DCUN1D4: variants seen among roughly 807,000 people sequenced by gnomAD.
The protein encoded by DCUN1D4 is DCN1-like protein 4.
DCUN1D4 carries 22 observed loss-of-function variants against 47.9 expected under a neutral mutation model. That is an observed-to-expected ratio of 0.46 (90% CI 0.33 to 0.66). DCUN1D4 has a LOEUF of 0.66. DCUN1D4 is among the 30% of genes least tolerant of loss of function. The pLI is 0.02. For missense variants in DCUN1D4, 301 were observed against 340.8 expected, an observed-to-expected ratio of 0.88 and a Z score of 0.92; for synonymous variants, 121 against 112.2, an observed-to-expected ratio of 1.08 and a Z score of -0.50.
chr4:51,839,582 C>A (rs376257133), upstream of DCUN1D4, among the ~76,000 whole-genome samples: 1 of 152,244 alleles, frequency 6.6e-6, no homozygotes, highest in South Asian at 2.1e-4. Context: ...TGGATAAATT[C>A]TCCTTTCGGA....
At chr4:51,899,507 G>A (rs1311410844) in intron 8 of DCUN1D4, 129 bp downstream of exon 8, 1 of 1,465,374 alleles carries the variant, frequency 6.8e-7, no homozygotes, top group Admixed American at 3.2e-5. Context: ...ATGCTAGTTA[G>A]TATTTCTTTC....
In DCUN1D4 at chr4:51,901,650, C is replaced by G. The variant is rs148228308; in HGVS notation, c.615+2272C>G. Among the ~76,000 whole-genome samples the G allele has an allele frequency of 7.0e-4, 107 of 152,266 alleles. 2 individuals carry two copies. The East Asian group carries it at 0.02, about 29-fold the overall frequency. ...CCTGGTCAGCCTGTCAGGGATCAGC[C>G]TGTCGGGGTGGGATTGTGCTGGTTT... On this transcript the variant is annotated intron_variant, in intron 8 of 10. Coordinates refer to ENST00000334635, the MANE Select transcript of DCUN1D4 (RefSeq NM_001040402.3).
At chr4:51,874,654 T>C (rs967524571) in intron 4 of DCUN1D4, 6 of 305,072 alleles carry the variant, frequency 2.0e-5, no homozygotes, top group Non-Finnish European at 3.7e-5. Context: ...TTGATTTCTT[T>C]CCTTTCAAAG....
At chr4:51,901,478 C>A (rs1347778330) in intron 8 of DCUN1D4, among the ~76,000 whole-genome samples, 1 of 152,218 alleles carries the variant, frequency 6.6e-6, no homozygotes, top group Non-Finnish European at 1.5e-5. Context: ...ATTGCACTAA[C>A]GGTTGCTCAC....
chr4:51,858,104 A>T (rs1272920889), intron 1 of DCUN1D4, among the ~76,000 whole-genome samples: 1 of 152,220 alleles, frequency 6.6e-6, no homozygotes, highest in Admixed American at 6.5e-5. Flanking sequence ...TGGCAAGGTT[A>T]TGTAAGGAGG....
At chr4:51,911,231 C>T in intron 9 of DCUN1D4, 57 bp downstream of exon 9, 1 of 1,450,116 alleles carries the variant, frequency 6.9e-7, no homozygotes, top group East Asian at 2.3e-5. Context: ...TACCAAATAA[C>T]TTTATTCACC....
intron 7 of DCUN1D4, among the ~76,000 whole-genome samples, chr4:51,895,449 G>C (rs2110080562): frequency 6.6e-6 from 1 of 151,612 alleles, no homozygotes. Context: ...ACTTAGGCCG[G>C]CAGCTGGTAG....
intron 7 of DCUN1D4, among the ~76,000 whole-genome samples, chr4:51,894,553 A>G (rs1436062872): frequency 6.6e-6 from 1 of 152,236 alleles, no homozygotes; most frequent in African/African-American, 2.4e-5. Context: ...TCCAGAAGTC[A>G]TAAGGTCACT....
At chr4:51,871,831 T>G (rs965138583) in intron 3 of DCUN1D4, among the ~76,000 whole-genome samples, 1 of 152,222 alleles carries the variant, frequency 6.6e-6, no homozygotes, top group African/African-American at 2.4e-5. Flanking sequence ...CTGCAATTCT[T>G]TGGACCTTTT....
chr4:51,858,468 C>T (rs1350694740), intron 1 of DCUN1D4, among the ~76,000 whole-genome samples: 1 of 152,074 alleles, frequency 6.6e-6, no homozygotes, highest in African/African-American at 2.4e-5. Flanking sequence ...TGTACAAGGC[C>T]CTGAGCCCAT....
chr4:51,854,456 A>G (rs541978037), intron 1 of DCUN1D4, among the ~76,000 whole-genome samples: 4 of 152,308 alleles, frequency 2.6e-5, no homozygotes, highest in African/African-American at 7.2e-5. Context: ...GCCTCTTCAC[A>G]TTCTGGCTAC....
At chr4:51,869,092 G>C (rs6820004) in intron 3 of DCUN1D4, among the ~76,000 whole-genome samples, 52,860 of 138,630 alleles carry the variant, frequency 0.38, 12,124 homozygotes, top group African/African-American at 0.67. Context: ...CCACTGCACT[G>C]TAGCCTAGGC....
At chr4:51,834,098 T>A in the DCUN1D4 span, among the ~76,000 whole-genome samples, 3 of 133,368 alleles carry the variant, frequency 2.2e-5, no homozygotes, top group Non-Finnish European at 4.6e-5. Flanking sequence ...TTTCTTTTCT[T>A]CTTTCTTTTT....
At chr4:51,847,547 T>C (rs944556856) in intron 1 of DCUN1D4, among the ~76,000 whole-genome samples, 2 of 152,122 alleles carry the variant, frequency 1.3e-5, no homozygotes, top group Non-Finnish European at 2.9e-5. Context: ...TTCCCATACC[T>C]ATTGCCATGG....
At chr4:51,905,253 A>G (rs1295646908) in intron 8 of DCUN1D4, 14 of 450,942 alleles carry the variant, frequency 3.1e-5, no homozygotes, top group African/African-American at 2.8e-4. Flanking sequence ...CTGTCAATGT[A>G]GGATGATGAG....
intron 4 of DCUN1D4, among the ~76,000 whole-genome samples, chr4:51,876,216 A>C (rs901388042): frequency 1.3e-5 from 2 of 152,138 alleles, no homozygotes; most frequent in Non-Finnish European, 2.9e-5. Context: ...GCACATATAC[A>C]CCATGGAATA....
chr4:51,904,532 A>G (rs1732586284), intron 8 of DCUN1D4, among the ~76,000 whole-genome samples: 2 of 152,208 alleles, frequency 1.3e-5, no homozygotes, highest in African/African-American at 4.8e-5. Flanking sequence ...TTTCCAACTC[A>G]GCAAGATTGC....
chr4:51,886,990 T>G (rs1162947079), intron 6 of DCUN1D4: 2 of 429,604 alleles, frequency 4.7e-6, no homozygotes, highest in Admixed American at 5.4e-5. Flanking sequence ...TGTTTTAGCC[T>G]AATGTAGAGT....
rs772086682 is a variant in DCUN1D4 at position 51,874,306 on chromosome 4, A to G, written c.172A>G (p.Asn58Asp). The change falls in exon 4 of 11, where the codon AAT becomes GAT. Residue 58 changes from asparagine (N) to aspartate (D), a missense_variant. Asn to Asp is a conservative substitution (Grantham distance 23). Around this residue, in one of 2 missense-constraint regions of DCUN1D4, gnomAD observed 131 missense variants for 106.3 expected, o/e 1.23. Transcript: ENST00000334635. ...LRSCSSSDCF[N>D]KVMPPRKKRR... ...GTCTTGCAGTTCTTCAGACTGCTTT[A>G]ATAAAGTGATGCCACCAAGGAAAAA... The G allele has an allele frequency of 1.9e-6, 3 of 1,613,474 alleles. No homozygotes were observed. In the South Asian group the frequency reaches 3.3e-5, roughly 18 times the overall value.
Sources: gnomAD v4.1 joint callset for allele counts (sites outside exome capture counted in the v4.1 genomes callset) on GRCh38, gnomAD v4.1.1 for gene constraint, gnomAD v4.1.1 regional missense constraint, MANE v1.5 for transcripts, NCBI Gene and HGNC (gene_info 2026-07-23, HGNC 2026-07-21) for gene names.